The following ZNF841 variants were observed in gnomAD, a reference collection of about 807,000 sequenced individuals.
ZNF841 encodes the protein TCONS_00006091.
ZNF841 carries 11 observed loss-of-function variants against 13.0 expected under a neutral mutation model. The observed-to-expected ratio is 0.85, with a 90% CI of 0.53 to 1.40. The LOEUF (loss-of-function observed/expected upper bound fraction) is 1.40, where lower values mean the gene tolerates loss of function less well. Among genes scored for constraint, ZNF841 ranks in the 40% most tolerant of loss-of-function variants. The pLI is 0.00. For missense variants in ZNF841, 1,068 were observed against 1,139.5 expected, an observed-to-expected ratio of 0.94 and a Z score of 0.90; for synonymous variants, 369 against 381.6, an observed-to-expected ratio of 0.97 and a Z score of 0.38.
chr19:52,080,676 A>G (rs2123315667), intron 4 of ZNF841, among the ~76,000 whole-genome samples: 1 of 152,352 alleles, frequency 6.6e-6, no homozygotes, highest in South Asian at 2.1e-4. Context: ...CATATCTAGT[A>G]CTACAGCTTA....
rs151019212 is a variant in ZNF841 at position 52,091,261 on chromosome 19, T to C, written c.-143-2259A>G. 1.8e-3 allele frequency among the ~76,000 whole-genome samples: 275 copies of C among 152,280 alleles called. 1 individual carries two copies. The highest frequency in any genetic ancestry group is 6.3e-3 in the African/African-American group (263 of 41,560). On this transcript the variant is annotated intron_variant, in intron 2 of 6. Coordinates refer to ENST00000594440, the MANE Select transcript of ZNF841 (RefSeq NM_001136499.2). The stretch of plus-strand genomic sequence containing the variant: ...AGAATATTTTAAAATGATTAAAATG[T>C]CCATACTACCAAAAGTGATCTGCAA...
chr19:52,083,951 T>C (rs2088187524), intron 4 of ZNF841, among the ~76,000 whole-genome samples: 1 of 151,966 alleles, frequency 6.6e-6, no homozygotes, highest in African/African-American at 2.4e-5. Context: ...CCATCTCTGC[T>C]TGGACTTTTA....
chr19:52,079,638 G>C (rs988871972), intron 4 of ZNF841, among the ~76,000 whole-genome samples: 4 of 151,996 alleles, frequency 2.6e-5, no homozygotes, highest in African/African-American at 9.7e-5. Flanking sequence ...AGAAAAGGTG[G>C]GAGGGAAAAA....
At chr19:52,095,095 C>G (rs1322803975) in intron 1 of ZNF841, among the ~76,000 whole-genome samples, 1 of 152,192 alleles carries the variant, frequency 6.6e-6, no homozygotes, top group African/African-American at 2.4e-5. Context: ...ATGCCCACCT[C>G]CCGGAAGAGC....
In ZNF841 at chr19:52,077,091, T is replaced by A; in HGVS notation, c.16-7A>T. 1 of 1,604,146 alleles carries A rather than the reference T, an allele frequency of 6.2e-7. No individual in the cohort carries two copies. Among genetic ancestry groups the A allele is most frequent in the South Asian group, 1.1e-5 (1 of 89,868 alleles). ...CCCTGAATGTCAAAGATCCCTGAAATGAAAAACACATTTCAATATGAGCAG... is the reference window on the plus strand; with the variant it reads ...CCCTGAATGTCAAAGATCCCTGAAAAGAAAAACACATTTCAATATGAGCAG... On this transcript the variant is annotated splice_polypyrimidine_tract_variant and splice_region_variant and intron_variant, in intron 4 of 6. Coordinates refer to ENST00000594440, the MANE Select transcript of ZNF841 (RefSeq NM_001136499.2).
downstream of ZNF841, among the ~76,000 whole-genome samples, chr19:52,062,716 C>T (rs377329455): frequency 2.9e-3 from 438 of 152,252 alleles, 2 homozygotes; most frequent in Middle Eastern, 0.014. Context: ...TTTCCACACA[C>T]GCTCTTGATC....
chr19:52,059,370 A>AATAT, the ZNF841 span, among the ~76,000 whole-genome samples: 156 of 69,608 alleles, frequency 2.2e-3, no homozygotes, highest in African/African-American at 3.4e-3. Flanking sequence ...AAAAAAAAAA[A>AATAT]ATATATATAT....
chr19:52,092,308 C>A (rs564672765), intron 2 of ZNF841, among the ~76,000 whole-genome samples: 4 of 152,058 alleles, frequency 2.6e-5, no homozygotes, highest in Non-Finnish European at 5.9e-5. Flanking sequence ...GCAAAATACC[C>A]CAAATAATCT....
In ZNF841 at chr19:52,076,139, A is replaced by G. The variant is rs911417067; in HGVS notation, c.176T>C (p.Met59Thr). 3.9e-6 allele frequency: 6 copies of G among 1,556,800 alleles called. No homozygotes were observed. The highest frequency in any genetic ancestry group is 2.7e-5 in the African/African-American group (2 of 73,180). ...CCAGGGCTCTTTCCCTTGCTCCAAC[A>G]TGGAGATAATATTCAGGTCAGGAAG... is the stretch of plus-strand genomic sequence containing the variant. ...LCLPDLNIIS[M>T]LEQGKEPWTV... The change falls in exon 6 of 7, where the codon ATG becomes ACG. Residue 59 changes from methionine (M) to threonine (T), a missense_variant. Coordinates refer to ENST00000594440, the MANE Select transcript of ZNF841 (RefSeq NM_001136499.2).
rs2087492474 is a variant in ZNF841 at position 52,064,967 on chromosome 19, TAA to T, written c.*138_*139del. 1 of 694,108 alleles carries T rather than the reference TAA, an allele frequency of 1.4e-6. No individual in the cohort carries two copies. Among genetic ancestry groups the T allele is most frequent in the Non-Finnish European group, 2.3e-6 (1 of 432,542 alleles). 43.0% of individuals were successfully genotyped at this position (694,108 alleles called of 1,614,324 possible). On this transcript the variant is annotated 3_prime_UTR_variant, in exon 7 of 7. Transcript: ENST00000594440. ...AAGGACAGCAACAAGGGGATGGTAC[TAA>T]AACTTTCTTGAGAAAGCCACCCCCA... is the stretch of plus-strand genomic sequence containing the variant.
At chr19:52,095,265 G>A (rs1005640136) in intron 1 of ZNF841, among the ~76,000 whole-genome samples, 7 of 152,200 alleles carry the variant, frequency 4.6e-5, no homozygotes, top group Non-Finnish European at 7.3e-5. Flanking sequence ...GAGGTGGCGC[G>A]GAGAACGATG....
At position 52,076,951 on chromosome 19, in the gene ZNF841, T is replaced by C; in HGVS notation, c.142+7A>G. 3.1e-6 allele frequency: 5 copies of C among 1,611,702 alleles called. No individual in the cohort carries two copies. Among genetic ancestry groups the C allele is most frequent in the Non-Finnish European group, 4.2e-6 (5 of 1,178,518 alleles). On this transcript the variant is annotated splice_region_variant and intron_variant, in intron 5 of 6. Coordinates refer to ENST00000594440, the MANE Select transcript of ZNF841 (RefSeq NM_001136499.2). ...GATCCTAACTTCTGGAGGAAAACTA[T>C]CCTCACCCAGGAAGCCGAGGTTCCT...
intron 4 of ZNF841, among the ~76,000 whole-genome samples, chr19:52,082,553 C>T (rs1436346284): frequency 6.6e-6 from 1 of 152,088 alleles, no homozygotes; most frequent in East Asian, 1.9e-4. Flanking sequence ...GAAGATAAAA[C>T]AAACATTTAC....
In ZNF841 at chr19:52,066,146, G is replaced by A; in HGVS notation, c.1736C>T (p.Thr579Ile). Residue 579 changes from threonine (T) to isoleucine (I), a missense_variant, in exon 7 of 7, where the codon ACT (threonine) becomes ATT (isoleucine). Transcript: ENST00000594440. ...LHCNKCGMVF[T>I]YYSCLARHQR... ...ATGACGTGCTAGGCATGAATAGTAAGTGAAGACCATGCCACATTTATTACA... is the reference window on the plus strand; with the variant it reads ...ATGACGTGCTAGGCATGAATAGTAAATGAAGACCATGCCACATTTATTACA... The A allele has an allele frequency of 9.9e-6, 16 of 1,612,088 alleles. No individual in the cohort carries two copies. Among genetic ancestry groups the A allele is most frequent in the Non-Finnish European group, 1.2e-5 (14 of 1,179,484 alleles).
chr19:52,081,342 T>C (rs1243793143), intron 4 of ZNF841, among the ~76,000 whole-genome samples: 1 of 152,228 alleles, frequency 6.6e-6, no homozygotes, highest in Non-Finnish European at 1.5e-5. Flanking sequence ...TGGCTATTTG[T>C]AGTTCATAGT....
At chr19:52,071,518 A>C (rs1182267439) in intron 6 of ZNF841, among the ~76,000 whole-genome samples, 1 of 152,240 alleles carries the variant, frequency 6.6e-6, no homozygotes, top group Non-Finnish European at 1.5e-5. Flanking sequence ...CAAGGTTTAA[A>C]TATATGTTAA....
At position 52,066,548 on chromosome 19, in the gene ZNF841, A is replaced by G; in HGVS notation, c.1334T>C (p.Val445Ala). The change falls in exon 7 of 7, where the codon GTA becomes GCA. Residue 445 changes from valine to alanine, a missense_variant. Physicochemically the swap from Val to Ala is moderately conservative, Grantham distance 64 (BLOSUM62 0). Coordinates refer to ENST00000594440, the MANE Select transcript of ZNF841 (RefSeq NM_001136499.2). ...GKVFYQNSQL[V>A]RHQIIHTGET... ...TCCAGTATGAATTATCTGGTGCCTT[A>G]CAAGTTGTGAATTCTGATAAAAGAC... The G allele has an allele frequency of 6.2e-7, 1 of 1,613,514 alleles. No homozygotes were observed. The highest frequency in any genetic ancestry group is 1.1e-5 in the South Asian group (1 of 91,038).
At chr19:52,091,420 A>G (rs1277544691) in intron 2 of ZNF841, among the ~76,000 whole-genome samples, 1 of 152,248 alleles carries the variant, frequency 6.6e-6, no homozygotes, top group Admixed American at 6.5e-5. Context: ...TGCTAGAGGC[A>G]TCATACTTTC....
chr19:52,078,489 G>A (rs1057114441), intron 4 of ZNF841, among the ~76,000 whole-genome samples: 2 of 151,640 alleles, frequency 1.3e-5, no homozygotes, highest in Admixed American at 6.6e-5. Context: ...CACAAGGTCA[G>A]GAGATCGAGA....
Sources: gnomAD v4.1 joint callset for allele counts (sites outside exome capture counted in the v4.1 genomes callset) on GRCh38, gnomAD v4.1.1 for gene constraint, MANE v1.5 for transcripts, NCBI Gene and HGNC (gene_info 2026-07-23, HGNC 2026-07-21) for gene names.